ARHGAP42: variants seen among roughly 807,000 people sequenced by gnomAD.
ARHGAP42 encodes the protein rho GTPase-activating protein 42.
ARHGAP42 carries 63 observed loss-of-function variants against 125.0 expected under a neutral mutation model. The observed-to-expected ratio is 0.50, with a 90% confidence interval of 0.41 to 0.62. ARHGAP42 has a LOEUF of 0.62. Ranked by LOEUF, ARHGAP42 falls within the 20% of genes least tolerant of loss-of-function variation. ARHGAP42 has a pLI of 0.00. For missense variants in ARHGAP42, 766 were observed against 1,024.2 expected, an observed-to-expected ratio of 0.75 and a Z score of 3.44; for synonymous variants, 339 against 351.0, an observed-to-expected ratio of 0.97 and a Z score of 0.38.
At position 100,799,736 on chromosome 11, in the gene ARHGAP42, G is replaced by A. The variant is rs78894657; in HGVS notation, c.312+4570G>A. On this transcript the variant is annotated intron_variant, in intron 3 of 23. Transcript: ENST00000298815. ...ATTCTAGAAAATATGACGGTTTAAA[G>A]AATAGAAGAAAATGTGTTGTAGTTT... Among the ~76,000 whole-genome samples, 769 of 152,260 alleles carry A rather than the reference G, an allele frequency of 5.1e-3. 13 individuals carry two copies. The highest frequency in any genetic ancestry group is 0.042 in the East Asian group (217 of 5,182).
intron 4 of ARHGAP42, among the ~76,000 whole-genome samples, chr11:100,900,362 G>T: frequency 6.6e-6 from 1 of 152,092 alleles, no homozygotes; most frequent in Admixed American, 6.6e-5. Context: ...TTTCAACCTT[G>T]GTGAATCTGA....
chr11:100,706,405 G>A (rs1190368110), intron 1 of ARHGAP42, among the ~76,000 whole-genome samples: 1 of 152,048 alleles, frequency 6.6e-6, no homozygotes, highest in Non-Finnish European at 1.5e-5. Context: ...GTCTACAGGT[G>A]GTCATTAACC....
At chr11:100,823,013 A>T (rs1284341738) in intron 3 of ARHGAP42, among the ~76,000 whole-genome samples, 1 of 152,158 alleles carries the variant, frequency 6.6e-6, no homozygotes, top group African/African-American at 2.4e-5. Context: ...GGTGACAGGC[A>T]CACAGCTGGT....
rs373508179 is a variant in ARHGAP42, at chr11:100,903,117, G to GCGCACACACACACACACACACA, written c.385-10334_385-10333insGCACACACACACACACACACAC. Among the ~76,000 whole-genome samples, 685 of 132,022 alleles carry GCGCACACACACACACACACACA rather than the reference G, an allele frequency of 5.2e-3. 9 individuals carry two copies. Among genetic ancestry groups the GCGCACACACACACACACACACA allele is most frequent in the East Asian group, 0.012 (54 of 4,354 alleles). 86.6% of individuals were successfully genotyped at this position (132,022 alleles called of 152,430 possible). On this transcript the variant is annotated intron_variant, in intron 4 of 23. Coordinates refer to ENST00000298815, the MANE Select transcript of ARHGAP42 (RefSeq NM_152432.4). ...TCCTCAATCTTGCTGTCCAAGATGC[G>GCGCACACACACACACACACACA]CACACACACACACACACACACACAC...
chr11:100,987,985 G>A (rs962235229), intron 23 of ARHGAP42, among the ~76,000 whole-genome samples: 25 of 151,978 alleles, frequency 1.6e-4, no homozygotes, highest in Admixed American at 3.9e-4. Context: ...AAAATTACCC[G>A]GGCATGGTGG....
chr11:100,859,518 A>T, intron 3 of ARHGAP42, 36 bp from the exon 4 acceptor site: 1 of 1,497,620 alleles, frequency 6.7e-7, no homozygotes. Context: ...GCATGAAATT[A>T]TGCAAGATTT....
chr11:100,907,132 C>G (rs887023079), intron 4 of ARHGAP42, among the ~76,000 whole-genome samples: 2 of 152,232 alleles, frequency 1.3e-5, no homozygotes, highest in Non-Finnish European at 2.9e-5. Flanking sequence ...TCTCCACATG[C>G]TCTTAGCACA....
At chr11:100,703,895 AAGAC>A (rs1861437305) in intron 1 of ARHGAP42, among the ~76,000 whole-genome samples, 1 of 152,234 alleles carries the variant, frequency 6.6e-6, no homozygotes, top group Non-Finnish European at 1.5e-5. Context: ...TTCTGCACCG[AAGAC>A]AGACAATGGC....
chr11:100,818,177 G>C (rs1864313859), intron 3 of ARHGAP42, among the ~76,000 whole-genome samples: 1 of 152,074 alleles, frequency 6.6e-6, no homozygotes, highest in Non-Finnish European at 1.5e-5. Flanking sequence ...AAGTTATCTT[G>C]TTCACCTTTT....
At chr11:100,962,543 T>C in intron 16 of ARHGAP42, 76 bp downstream of exon 16, 1 of 1,264,284 alleles carries the variant, frequency 7.9e-7, no homozygotes, top group Non-Finnish European at 1.1e-6. Context: ...ATATTACTAG[T>C]ATCAGCTAGT....
At chr11:100,973,453 G>T in intron 18 of ARHGAP42, 119 bp downstream of exon 18, 1 of 1,029,176 alleles carries the variant, frequency 9.7e-7, no homozygotes, top group Non-Finnish European at 1.4e-6. Context: ...GGGGACTTCA[G>T]TTTTCTTTCC....
Position 100,992,687 on chromosome 11 carries a change from G to T in ARHGAP42, c.*3886G>T. The T allele has an allele frequency of 1.9e-6, 3 of 1,584,632 alleles. No individual in the cohort carries two copies. The highest frequency in any genetic ancestry group is 2.6e-6 in the Non-Finnish European group (3 of 1,166,806). On this transcript the variant is annotated 3_prime_UTR_variant, in exon 24 of 24. Transcript: ENST00000298815. ...TGGTAATAACGTTGGGAAAATGCAG[G>T]TTTATGAATGATGTGGACTTTTAGA...
At chr11:100,870,062 T>C (rs1865662920) in intron 4 of ARHGAP42, among the ~76,000 whole-genome samples, 1 of 152,198 alleles carries the variant, frequency 6.6e-6, no homozygotes, top group Admixed American at 6.5e-5. Context: ...TTGACATCTA[T>C]GTGAAAGATC....
chr11:100,976,507 G>T (rs1591335189), intron 20 of ARHGAP42, 70 bp downstream of exon 20: 1 of 1,444,938 alleles, frequency 6.9e-7, no homozygotes, highest in South Asian at 1.5e-5. Flanking sequence ...ATTCAGCATG[G>T]TTAAGCAGGG....
chr11:100,692,896 C>G (rs190675855), intron 1 of ARHGAP42, among the ~76,000 whole-genome samples: 1 of 152,306 alleles, frequency 6.6e-6, no homozygotes, highest in East Asian at 1.9e-4. Context: ...CTTTCATTTT[C>G]TGTGTTTCAC....
chr11:100,807,660 T>A (rs1864030285), intron 3 of ARHGAP42, among the ~76,000 whole-genome samples: 2 of 152,314 alleles, frequency 1.3e-5, no homozygotes. Flanking sequence ...CTATCCCATG[T>A]CTTCTCTGGG....
chr11:100,855,729 T>G (rs1865308286), intron 3 of ARHGAP42, among the ~76,000 whole-genome samples: 1 of 152,102 alleles, frequency 6.6e-6, no homozygotes, highest in Non-Finnish European at 1.5e-5. Flanking sequence ...TTGCCTGACT[T>G]AAATAACCTA....
chr11:100,937,614 G>A (rs948585173), intron 8 of ARHGAP42, among the ~76,000 whole-genome samples: 5 of 152,292 alleles, frequency 3.3e-5, no homozygotes, highest in African/African-American at 1.2e-4. Flanking sequence ...AAACGTGAAA[G>A]TGGTAGAGGA....
chr11:100,742,543 G>A (rs922059142), intron 1 of ARHGAP42, among the ~76,000 whole-genome samples: 16 of 152,156 alleles, frequency 1.1e-4, no homozygotes, highest in South Asian at 4.1e-4. Context: ...ATTATAAAGC[G>A]TTCTCAGTTA....
Sources: allele counts gnomAD v4.1 joint callset (sites outside exome capture counted in the v4.1 genomes callset), GRCh38; gene constraint gnomAD v4.1.1; transcripts MANE v1.5; gene names NCBI Gene and HGNC (gene_info 2026-07-23, HGNC 2026-07-21).